SOX5: variants seen among roughly 807,000 people sequenced by gnomAD.
SOX5 encodes transcription factor SOX-5.
Under a neutral mutation model 92.0 loss-of-function variants are expected in SOX5, and 9 were observed. The ratio of observed to expected loss-of-function variants is 0.10; its 90% confidence interval spans 0.06 to 0.17. The LOEUF (loss-of-function observed/expected upper bound fraction) is 0.17, where lower values mean the gene tolerates loss of function less well. Among genes scored for constraint, SOX5 ranks in the 10% least tolerant of loss-of-function variants. The pLI is 1.00. For synonymous variants in SOX5, 344 were observed against 336.3 expected, an observed-to-expected ratio of 1.02 and a Z score of -0.25; for missense variants, 642 against 944.5, an observed-to-expected ratio of 0.68 and a Z score of 4.20.
At chr12:24,301,875 T>G (rs549154182) in intron 2 of SOX5, among the ~76,000 whole-genome samples, 1 of 152,222 alleles carries the variant, frequency 6.6e-6, no homozygotes, top group East Asian at 1.9e-4. Flanking sequence ...TTCCCCCAAT[T>G]CTGTTCTTTG....
chr12:24,257,030 C>A (rs1436075507), intron 3 of SOX5, among the ~76,000 whole-genome samples: 1 of 152,134 alleles, frequency 6.6e-6, no homozygotes, highest in Non-Finnish European at 1.5e-5. Flanking sequence ...TCTGAGTTAA[C>A]CCTTTGGAAG....
chr12:23,839,422 C>G (rs2096484058), intron 3 of SOX5, among the ~76,000 whole-genome samples: 1 of 152,026 alleles, frequency 6.6e-6, no homozygotes, highest in South Asian at 2.1e-4. Flanking sequence ...CTTGGTAGAC[C>G]TTAGCCCTGA....
chr12:23,823,601 G>C lies in SOX5; in HGVS notation c.481+22382C>G, dbSNP rs117550289. Among the ~76,000 whole-genome samples, 1,263 of 152,282 alleles carry C rather than the reference G, an allele frequency of 8.3e-3. 9 individuals are homozygous for C. Among genetic ancestry groups the C allele is most frequent in the Middle Eastern group, 0.02 (6 of 294 alleles). On this transcript the variant is annotated intron_variant, in intron 3 of 14. Coordinates refer to ENST00000451604, the MANE Select transcript of SOX5 (RefSeq NM_006940.6). ...TCTGACGATTACGTGTCTTGGGGTTGCTCTTCTAGAGCAGTATCTTTGTGG... is the reference window on the plus strand; with the variant it reads ...TCTGACGATTACGTGTCTTGGGGTTCCTCTTCTAGAGCAGTATCTTTGTGG...
chr12:24,329,071 C>T (rs551868553), intron 2 of SOX5, among the ~76,000 whole-genome samples: 2 of 152,228 alleles, frequency 1.3e-5, no homozygotes, highest in Admixed American at 6.5e-5. Flanking sequence ...TGGATATTCC[C>T]ATGTGCTTAT....
rs147753460 is a variant in SOX5 at position 23,864,163 on chromosome 12, G to A, written c.271-17970C>T. Among the ~76,000 whole-genome samples the A allele has an allele frequency of 4.6e-3, 700 of 152,026 alleles. 5 individuals carry two copies. The highest frequency in any genetic ancestry group is 0.016 in the African/African-American group (679 of 41,446). ...CTCAGTAATCTTTGATGTTTGTATT[G>A]TAATTGTTTTGGAGCACCACTAACC... On this transcript the variant is annotated intron_variant, in intron 2 of 14. Transcript: ENST00000451604.
In SOX5 at chr12:24,310,921, T is replaced by C. The variant is rs759016813; in HGVS notation, c.-173-33609A>G. Among the ~76,000 whole-genome samples, 10 of 152,106 alleles carry C rather than the reference T, an allele frequency of 6.6e-5. 1 individual carries two copies. The highest frequency in any genetic ancestry group is 2.0e-4 in the Admixed American group (3 of 15,264). On this transcript the variant is annotated intron_variant, in intron 2 of 4. Coordinates refer to the SOX5 transcript ENST00000446891. ...TTAAAATGATTCTGAGACTACAGAC[T>C]CCATTAATGTATTTCAGGAACTACT...
chr12:23,771,187 C>CAAAAAAAAAAAAAA, intron 3 of SOX5, among the ~76,000 whole-genome samples: 1 of 108,604 alleles, frequency 9.2e-6, no homozygotes, highest in Non-Finnish European at 1.8e-5. Flanking sequence ...AAAAATGGAG[C>CAAAAAAAAAAAAAA]AAAAAAAAAA....
At chr12:24,061,282 T>C (rs1939647295) in intron 4 of SOX5, among the ~76,000 whole-genome samples, 1 of 152,074 alleles carries the variant, frequency 6.6e-6, no homozygotes, top group Non-Finnish European at 1.5e-5. Context: ...CCCGTAAGTA[T>C]TAAGTATTAA....
intron 7 of SOX5, among the ~76,000 whole-genome samples, chr12:23,661,943 C>T (rs1439344577): frequency 1.3e-5 from 2 of 152,100 alleles, no homozygotes; most frequent in Admixed American, 6.5e-5. Flanking sequence ...ATCTCTTATA[C>T]AGTCTGGTGT....
chr12:24,195,116 G>T (rs1433184828), intron 4 of SOX5, among the ~76,000 whole-genome samples: 1 of 143,424 alleles, frequency 7.0e-6, no homozygotes, highest in Non-Finnish European at 1.5e-5. Context: ...TCTACTAGTT[G>T]CAATCTAAAA....
chr12:24,470,096 A>G (rs1944645605), intron 1 of SOX5, among the ~76,000 whole-genome samples: 1 of 152,262 alleles, frequency 6.6e-6, no homozygotes, highest in Non-Finnish European at 1.5e-5. Context: ...ATAATCTTAA[A>G]GCATCAAGTA....
chr12:24,502,748 T>C (rs1948345836), intron 1 of SOX5, among the ~76,000 whole-genome samples: 1 of 152,160 alleles, frequency 6.6e-6, no homozygotes. Context: ...GGTGGGGAAA[T>C]GCAGCAGATA....
At chr12:24,097,391 A>AT (rs1945555097) in intron 4 of SOX5, among the ~76,000 whole-genome samples, 1 of 152,014 alleles carries the variant, frequency 6.6e-6, no homozygotes. Flanking sequence ...CAGTTTATCT[A>AT]TTGTTTTGAT....
chr12:24,235,392 G>A (rs1378373846), intron 3 of SOX5, among the ~76,000 whole-genome samples: 2 of 152,062 alleles, frequency 1.3e-5, no homozygotes, highest in African/African-American at 4.8e-5. Context: ...AATTACTAGA[G>A]GTCACTGGAC....
chr12:24,461,552 A>G (rs4259904), intron 1 of SOX5, among the ~76,000 whole-genome samples: 67,320 of 152,016 alleles, frequency 0.44, 15,429 homozygotes, highest in Non-Finnish European at 0.5. Flanking sequence ...GGTAAAAACA[A>G]CAACATTGTT....
intron 4 of SOX5, among the ~76,000 whole-genome samples, chr12:24,068,734 A>G (rs1216914045): frequency 3.1e-5 from 3 of 97,568 alleles, no homozygotes; most frequent in Admixed American, 9.7e-5. Flanking sequence ...ATATATATAT[A>G]TATATATATA....
chr12:24,234,845 A>G (rs1964135647), intron 3 of SOX5, among the ~76,000 whole-genome samples: 1 of 152,056 alleles, frequency 6.6e-6, no homozygotes, highest in Admixed American at 6.6e-5. Flanking sequence ...TCTGGAGACA[A>G]TTTTGCTTGT....
intron 9 of SOX5, chr12:23,582,217 A>T (rs1950140633): frequency 1.0e-6 from 1 of 984,902 alleles, no homozygotes; most frequent in African/African-American, 1.8e-5. Context: ...ACCTCTATGG[A>T]CTGTGGGAGC....
intron 3 of SOX5, among the ~76,000 whole-genome samples, chr12:23,784,621 T>C (rs2095346101): frequency 6.6e-6 from 1 of 152,186 alleles, no homozygotes; most frequent in Non-Finnish European, 1.5e-5. Context: ...CCAACATGCC[T>C]GGCCGATATA....
Sources: gnomAD v4.1 joint callset for allele counts (sites outside exome capture counted in the v4.1 genomes callset) on GRCh38, gnomAD v4.1.1 for gene constraint, MANE v1.5 for transcripts, NCBI Gene and HGNC (gene_info 2026-07-23, HGNC 2026-07-21) for gene names.